Variants in CNTNAP2 observed in about 807,000 individuals in gnomAD.
CNTNAP2 encodes the protein contactin-associated protein-like 2.
A neutral mutation model predicts 155.2 loss-of-function variants in CNTNAP2; 98 were observed. The observed-to-expected ratio is 0.63, with a 90% CI of 0.54 to 0.75. The LOEUF is 0.75. Ranked by LOEUF, CNTNAP2 falls within the 30% of genes least tolerant of loss-of-function variation. CNTNAP2 has a pLI of 0.00. For missense variants in CNTNAP2, 1,727 were observed against 1,688.1 expected, an observed-to-expected ratio of 1.02 and a Z score of -0.40; for synonymous variants, 651 against 631.2, an observed-to-expected ratio of 1.03 and a Z score of -0.47.
intron 1 of CNTNAP2, among the ~76,000 whole-genome samples, chr7:146,667,063 G>A (rs1050571691): frequency 2.0e-5 from 3 of 152,020 alleles, no homozygotes; most frequent in African/African-American, 7.2e-5. Context: ...ATATTTTCCA[G>A]ACCAGTGTCT....
intron 9 of CNTNAP2, among the ~76,000 whole-genome samples, chr7:147,385,147 C>A (rs1796604388): frequency 6.6e-6 from 1 of 152,160 alleles, no homozygotes; most frequent in South Asian, 2.1e-4. Flanking sequence ...ACAGGAAAGA[C>A]CCATGCCCAA....
At chr7:148,128,161 G>A (rs749013096) in intron 16 of CNTNAP2, among the ~76,000 whole-genome samples, 13 of 152,180 alleles carry the variant, frequency 8.5e-5, no homozygotes, top group Non-Finnish European at 1.6e-4. Context: ...CAGCCACCAT[G>A]CCGGGCCTCT....
intron 1 of CNTNAP2, among the ~76,000 whole-genome samples, chr7:146,448,631 G>C (rs1392227480): frequency 2.6e-5 from 4 of 151,880 alleles, no homozygotes; most frequent in Non-Finnish European, 5.9e-5. Context: ...TGCAAAGTTA[G>C]TGCAGAGATT....
intron 6 of CNTNAP2, 75 bp downstream of exon 6, chr7:147,121,238 T>C: frequency 7.2e-7 from 1 of 1,390,276 alleles, no homozygotes; most frequent in Non-Finnish European, 1.0e-6. Flanking sequence ...TGTATTATTG[T>C]TAATTATATT....
chr7:146,560,149 A>C (rs975152766), intron 1 of CNTNAP2, among the ~76,000 whole-genome samples: 4 of 152,144 alleles, frequency 2.6e-5, no homozygotes, highest in Non-Finnish European at 5.9e-5. Context: ...ATTCCTTTGC[A>C]GGGTAATTAG....
chr7:146,640,755 C>G (rs1246562046), intron 1 of CNTNAP2, among the ~76,000 whole-genome samples: 2 of 152,084 alleles, frequency 1.3e-5, no homozygotes, highest in Non-Finnish European at 2.9e-5. Flanking sequence ...TATAAAGCAT[C>G]TTGACTGCGA....
chr7:147,386,542 C>T (rs1294241791), intron 9 of CNTNAP2, among the ~76,000 whole-genome samples: 1 of 152,138 alleles, frequency 6.6e-6, no homozygotes, highest in East Asian at 1.9e-4. Context: ...AAAATGCCAC[C>T]CGTCTCTGCT....
At chr7:146,665,788 A>AAAAAAAAAAAACAAAAAAAAAAAAAAC (rs1328734569) in intron 1 of CNTNAP2, among the ~76,000 whole-genome samples, 2 of 142,038 alleles carry the variant, frequency 1.4e-5, no homozygotes, top group African/African-American at 5.4e-5. Context: ...CTCATTAAAA[A>AAAAAAAAAAAACAAAAAAAAAAAAAAC]AAAAAAAAAA....
At chr7:146,138,657 T>G (rs1797832501) in intron 1 of CNTNAP2, among the ~76,000 whole-genome samples, 1 of 152,246 alleles carries the variant, frequency 6.6e-6, no homozygotes, top group South Asian at 2.1e-4. Context: ...TCTCTAAGAA[T>G]ATATGTGTTT....
intron 21 of CNTNAP2, chr7:148,381,333 A>G (rs1730416): frequency 0.72 from 108,829 of 152,160 alleles, 40,087 homozygotes; most frequent in Admixed American, 0.81. Flanking sequence ...CTCTTGTCCC[A>G]CATCCAGGAG....
At chr7:147,178,219 C>A (rs765617308) in intron 8 of CNTNAP2, among the ~76,000 whole-genome samples, 1 of 152,028 alleles carries the variant, frequency 6.6e-6, no homozygotes, top group East Asian at 1.9e-4. Flanking sequence ...TCCTTCAAAA[C>A]GGAGACTGTT....
intron 13 of CNTNAP2, among the ~76,000 whole-genome samples, chr7:147,735,759 C>T (rs936284221): frequency 6.6e-6 from 1 of 151,990 alleles, no homozygotes; most frequent in Non-Finnish European, 1.5e-5. Context: ...TTGAATTGAT[C>T]CCTTTACCAT....
chr7:146,631,242 TA>T (rs1474271883), intron 1 of CNTNAP2, among the ~76,000 whole-genome samples: 1 of 152,108 alleles, frequency 6.6e-6, no homozygotes, highest in Non-Finnish European at 1.5e-5. Flanking sequence ...ACTGTGTTCT[TA>T]AAATATGAAT....
intron 4 of CNTNAP2, among the ~76,000 whole-genome samples, chr7:147,105,808 T>C (rs1421878013): frequency 6.6e-6 from 1 of 152,046 alleles, no homozygotes; most frequent in Non-Finnish European, 1.5e-5. Flanking sequence ...TTTTTCTTTG[T>C]AGGGAATCTA....
chr7:147,550,120 G>GA lies in CNTNAP2; in HGVS notation c.1778-12012dup, dbSNP rs755280195. On this transcript the variant is annotated intron_variant, in intron 11 of 23. Coordinates refer to ENST00000361727, the MANE Select transcript of CNTNAP2 (RefSeq NM_014141.6). ...CACTTTTAACAACATAAATGCCTTG[G>GA]AAAAAATCACTCAATTTGATCATGA... Among the ~76,000 whole-genome samples, 46 of 152,160 alleles carry GA rather than the reference G, an allele frequency of 3.0e-4. No homozygotes were observed. The East Asian group carries it at 4.5e-3, about 15-fold the overall frequency.
At chr7:147,016,210 C>T (rs1221929898) in intron 3 of CNTNAP2, among the ~76,000 whole-genome samples, 1 of 146,484 alleles carries the variant, frequency 6.8e-6, no homozygotes, top group African/African-American at 2.4e-5. Flanking sequence ...GCGGAAGAAC[C>T]AGTGAGCACT....
chr7:146,907,028 G>A (rs1459918446), intron 3 of CNTNAP2, among the ~76,000 whole-genome samples: 13 of 150,536 alleles, frequency 8.6e-5, no homozygotes, highest in Non-Finnish European at 1.2e-4. Context: ...GAGCCGATGC[G>A]ATCAACCGGA....
intron 21 of CNTNAP2, among the ~76,000 whole-genome samples, chr7:148,340,068 A>G (rs1306417717): frequency 6.6e-6 from 1 of 151,826 alleles, no homozygotes; most frequent in Non-Finnish European, 1.5e-5. Flanking sequence ...TAAATCCCAC[A>G]CTTTTCAGGA....
intron 21 of CNTNAP2, among the ~76,000 whole-genome samples, chr7:148,327,093 C>G (rs1797906322): frequency 6.6e-6 from 1 of 152,144 alleles, no homozygotes; most frequent in Admixed American, 6.5e-5. Context: ...GCATCCCAAC[C>G]ACCTAGCAGA....
Sources: allele counts gnomAD v4.1 joint callset (sites outside exome capture counted in the v4.1 genomes callset), GRCh38; gene constraint gnomAD v4.1.1; transcripts MANE v1.5; gene names NCBI Gene and HGNC (gene_info 2026-07-23, HGNC 2026-07-21).